Variants in CACNA2D3 observed in about 807,000 individuals in gnomAD.
The protein encoded by CACNA2D3 is calcium voltage-gated channel auxiliary subunit alpha2delta 3.
CACNA2D3 carries 60 observed loss-of-function variants against 160.6 expected under a neutral mutation model. That is an observed-to-expected ratio of 0.37 (90% CI 0.30 to 0.46). The LOEUF is 0.46. Among genes scored for constraint, CACNA2D3 ranks in the 20% least tolerant of loss-of-function variants. CACNA2D3 has a pLI of 1.00. For synonymous variants in CACNA2D3, 558 were observed against 492.9 expected (o/e 1.13, Z -1.75); for missense variants, 1,205 against 1,365.0 (o/e 0.88, Z 1.85).
At chr3:54,678,628 G>A (rs1197460437) in intron 11 of CACNA2D3, among the ~76,000 whole-genome samples, 1 of 144,656 alleles carries the variant, frequency 6.9e-6, no homozygotes, top group Non-Finnish European at 1.5e-5. Flanking sequence ...GGCTGAGGCA[G>A]AAGAATCGCT....
intron 4 of CACNA2D3, 64 bp from the exon 5 acceptor site, chr3:54,503,428 T>A (rs142919015): frequency 6.8e-7 from 1 of 1,471,458 alleles, no homozygotes; most frequent in Non-Finnish European, 9.5e-7. Flanking sequence ...TGTGCCCAGG[T>A]CTAAGTGAGT....
chr3:55,019,637 C>A (rs374735944), intron 35 of CACNA2D3, among the ~76,000 whole-genome samples: 3 of 152,130 alleles, frequency 2.0e-5, no homozygotes, highest in African/African-American at 7.2e-5. Flanking sequence ...GCTAAATGCT[C>A]TTTGAGATCG....
At chr3:54,203,172 C>T (rs988651732) in intron 2 of CACNA2D3, among the ~76,000 whole-genome samples, 1 of 152,212 alleles carries the variant, frequency 6.6e-6, no homozygotes, top group African/African-American at 2.4e-5. Context: ...GTAGATGGCT[C>T]TCCCCAATGT....
intron 13 of CACNA2D3, among the ~76,000 whole-genome samples, chr3:54,799,946 T>A (rs972941826): frequency 2.6e-5 from 4 of 152,214 alleles, no homozygotes; most frequent in African/African-American, 9.7e-5. Flanking sequence ...GCATAGTGTT[T>A]CCTTATATAG....
chr3:54,276,053 A>G (rs1307928624), intron 2 of CACNA2D3, among the ~76,000 whole-genome samples: 1 of 152,182 alleles, frequency 6.6e-6, no homozygotes. Flanking sequence ...ATTAAAAATC[A>G]GGGTTGGATT....
At chr3:54,736,057 G>A (rs13098542) in intron 11 of CACNA2D3, among the ~76,000 whole-genome samples, 15,088 of 40,100 alleles carry the variant, frequency 0.38, 3,555 homozygotes, top group African/African-American at 0.46. Flanking sequence ...ACATACATAT[G>A]TATGTATATA....
At chr3:54,953,904 C>T (rs368083065) in intron 27 of CACNA2D3, among the ~76,000 whole-genome samples, 14 of 152,234 alleles carry the variant, frequency 9.2e-5, no homozygotes, top group East Asian at 7.7e-4. Context: ...GAGGTCACCC[C>T]GTTTTGCTAA....
chr3:54,868,359 C>G (rs557715270), intron 17 of CACNA2D3, among the ~76,000 whole-genome samples: 2 of 152,228 alleles, frequency 1.3e-5, no homozygotes, highest in East Asian at 3.9e-4. Flanking sequence ...GTATCCCTAC[C>G]CCCGATCTGT....
chr3:54,285,361 A>T (rs982641300), intron 2 of CACNA2D3, among the ~76,000 whole-genome samples: 1 of 152,204 alleles, frequency 6.6e-6, no homozygotes, highest in Non-Finnish European at 1.5e-5. Flanking sequence ...TCAAACTGCA[A>T]GGCGGCAGCG....
intron 3 of CACNA2D3, among the ~76,000 whole-genome samples, chr3:54,334,284 A>G (rs892886376): frequency 6.6e-6 from 1 of 152,044 alleles, no homozygotes; most frequent in African/African-American, 2.4e-5. Context: ...ACGGGGTTTC[A>G]CCATGTTGGC....
At chr3:54,870,824 T>C (rs957006327) in intron 17 of CACNA2D3, among the ~76,000 whole-genome samples, 1 of 152,160 alleles carries the variant, frequency 6.6e-6, no homozygotes, top group African/African-American at 2.4e-5. Context: ...AGCGAATAGA[T>C]GGTTCTGTGT....
intron 2 of CACNA2D3, among the ~76,000 whole-genome samples, chr3:54,246,130 C>T (rs1490700274): frequency 6.6e-6 from 1 of 152,198 alleles, no homozygotes; most frequent in East Asian, 1.9e-4. Flanking sequence ...TGTTTTGAAG[C>T]TTACTCTCTA....
intron 11 of CACNA2D3, among the ~76,000 whole-genome samples, chr3:54,682,218 A>G (rs966395332): frequency 1.3e-5 from 2 of 152,240 alleles, no homozygotes; most frequent in South Asian, 4.1e-4. Flanking sequence ...TAATGTCATG[A>G]TAACAAAAGT....
intron 34 of CACNA2D3, among the ~76,000 whole-genome samples, chr3:55,011,534 T>G (rs1483175619): frequency 6.6e-6 from 1 of 151,806 alleles, no homozygotes; most frequent in Non-Finnish European, 1.5e-5. Flanking sequence ...GAAAGAAAAA[T>G]GATTCTGTTT....
At chr3:54,404,025 C>T (rs893815664) in intron 4 of CACNA2D3, among the ~76,000 whole-genome samples, 1 of 152,120 alleles carries the variant, frequency 6.6e-6, no homozygotes, top group African/African-American at 2.4e-5. Context: ...AAGCCCAGGA[C>T]CAGATGGCTT....
chr3:54,591,566 A>AATTT (rs1315079281), intron 9 of CACNA2D3, among the ~76,000 whole-genome samples: 2 of 97,046 alleles, frequency 2.1e-5, no homozygotes, highest in Non-Finnish European at 3.9e-5. Context: ...GGTTGAAAAA[A>AATTT]GTTTTTTTTT....
chr3:54,383,956 T>G (rs58227543), intron 3 of CACNA2D3, among the ~76,000 whole-genome samples: 4,618 of 152,306 alleles, frequency 0.03, 241 homozygotes, highest in African/African-American at 0.11. Context: ...TGCATGACTG[T>G]ACAGTATACA....
chr3:54,603,856 T>A (rs1703110702), intron 9 of CACNA2D3, among the ~76,000 whole-genome samples: 1 of 152,184 alleles, frequency 6.6e-6, no homozygotes, highest in African/African-American at 2.4e-5. Context: ...AAGGCCATCA[T>A]TTTATTAGAT....
In CACNA2D3 at chr3:54,896,854, G is replaced by T; in HGVS notation, c.2352G>T (p.Ser784=). 1.2e-6 allele frequency: 2 copies of T among 1,613,920 alleles called. No homozygotes were observed. The highest frequency in any genetic ancestry group is 1.7e-6 in the Non-Finnish European group (2 of 1,179,852). ...AGATTCCAGGGAGCTTCGTCTACTCGATCCCATTCAGCACTGGTGGGTGCC... is the reference window on the plus strand; with the variant it reads ...AGATTCCAGGGAGCTTCGTCTACTCTATCCCATTCAGCACTGGTGGGTGCC... The part of the protein sequence containing the change: ...AEQIPGSFVY[S]IPFSTGPVNK... Residue 784 remains serine, a synonymous_variant, in exon 26 of 38, where the codon TCG becomes TCT. Transcript: ENST00000474759.
Sources: allele counts gnomAD v4.1 joint callset (sites outside exome capture counted in the v4.1 genomes callset), GRCh38; gene constraint gnomAD v4.1.1; transcripts MANE v1.5; gene names NCBI Gene and HGNC (gene_info 2026-07-23, HGNC 2026-07-21).